Variants in DYM observed in about 807,000 individuals in gnomAD.
The protein encoded by DYM is dyggve-Melchior-Clausen syndrome protein.
Under a neutral mutation model 93.1 loss-of-function variants are expected in DYM, and 78 were observed. The observed-to-expected ratio is 0.84, with a 90% CI of 0.70 to 1.01. The LOEUF is 1.01. DYM is among the 50% of genes least tolerant of loss of function. DYM has a pLI of 0.00. For missense variants in DYM, 789 were observed against 845.0 expected (o/e 0.93, Z 0.82); for synonymous variants, 321 against 319.7 (o/e 1.00, Z -0.04).
At chr18:49,101,757 T>C (rs530037045) in intron 16 of DYM, among the ~76,000 whole-genome samples, 6 of 152,316 alleles carry the variant, frequency 3.9e-5, no homozygotes, top group South Asian at 2.1e-4. Flanking sequence ...TCAATACATA[T>C]ATTGACAATC....
At chr18:49,340,857 CT>C (rs2064060593) in intron 6 of DYM, among the ~76,000 whole-genome samples, 1 of 152,172 alleles carries the variant, frequency 6.6e-6, no homozygotes, top group Non-Finnish European at 1.5e-5. Flanking sequence ...AGATCAGACA[CT>C]TAAAATGGGT....
chr18:49,183,151 C>T (rs1389890977), intron 14 of DYM, among the ~76,000 whole-genome samples: 2 of 152,058 alleles, frequency 1.3e-5, no homozygotes, highest in Admixed American at 6.5e-5. Flanking sequence ...TACAACACTA[C>T]GTATTTGAGG....
chr18:49,419,623 C>T (rs2073405410), intron 2 of DYM, among the ~76,000 whole-genome samples: 1 of 152,100 alleles, frequency 6.6e-6, no homozygotes, highest in African/African-American at 2.4e-5. Context: ...TATACTTTTT[C>T]ATACACATTT....
chr18:49,117,332 C>A (rs148811005), intron 16 of DYM, among the ~76,000 whole-genome samples: 140 of 152,206 alleles, frequency 9.2e-4, no homozygotes, highest in African/African-American at 3.2e-3. Context: ...TTTCTGTTTA[C>A]CAGCAATCAT....
chr18:49,259,876 T>C (rs2094462754), intron 11 of DYM, among the ~76,000 whole-genome samples: 1 of 152,200 alleles, frequency 6.6e-6, no homozygotes, highest in Admixed American at 6.5e-5. Context: ...AGTTTCATAG[T>C]GTTCATAATA....
Position 49,258,395 on chromosome 18 carries a change from G to C in DYM, c.1350C>G (p.Asn450Lys). ...GAATACTTACTCGTGTCCTAGTCAT[G>C]TTGTATTGAATGGTTCTTATTACCA... ...ILVVIRTIQYNMTRTRDKYLH... is the reference protein window; with the variant it reads ...ILVVIRTIQYKMTRTRDKYLH... The change falls in exon 12 of 18, where the codon AAC becomes AAG. Residue 450 changes from asparagine to lysine, a missense_variant. Physicochemically the swap from Asn to Lys is moderately conservative, Grantham distance 94. Around this residue, in one of 3 missense-constraint regions of DYM, gnomAD observed 225 missense variants for 303.0 expected, o/e 0.74. Transcript: ENST00000675505. 6.2e-7 allele frequency: 1 copy of C among 1,606,916 alleles called. No individual in the cohort carries two copies. Among genetic ancestry groups the C allele is most frequent in the Non-Finnish European group, 8.5e-7 (1 of 1,173,460 alleles).
At chr18:49,189,684 T>C (rs7245245) in intron 14 of DYM, among the ~76,000 whole-genome samples, 6,019 of 152,276 alleles carry the variant, frequency 0.04, 392 homozygotes, top group African/African-American at 0.14. Flanking sequence ...ATCATCTTTC[T>C]GTAGAACCAC....
chr18:49,374,196 T>C (rs1467402597), intron 5 of DYM, among the ~76,000 whole-genome samples: 1 of 152,178 alleles, frequency 6.6e-6, no homozygotes, highest in Non-Finnish European at 1.5e-5. Context: ...TATTCTCTCC[T>C]AGAAAAAAAT....
chr18:49,050,669 C>CATTGGAAA (rs2072313542), intron 17 of DYM, among the ~76,000 whole-genome samples: 1 of 152,052 alleles, frequency 6.6e-6, no homozygotes, highest in African/African-American at 2.4e-5. Context: ...GGAAATGACT[C>CATTGGAAA]TGACTAGAGC....
chr18:49,415,931 A>AC (rs998609120), intron 2 of DYM, among the ~76,000 whole-genome samples: 6 of 151,514 alleles, frequency 4.0e-5, no homozygotes, highest in African/African-American at 1.2e-4. Flanking sequence ...CTGACTCAAA[A>AC]AAAAAAAAAA....
At chr18:49,302,609 G>A (rs545256573) in intron 8 of DYM, among the ~76,000 whole-genome samples, 1 of 152,118 alleles carries the variant, frequency 6.6e-6, no homozygotes, top group African/African-American at 2.4e-5. Flanking sequence ...TGAAGGCGGA[G>A]GTGGGGGGAC....
intron 1 of DYM, among the ~76,000 whole-genome samples, chr18:49,453,590 G>A (rs192814398): frequency 7.8e-4 from 119 of 152,284 alleles, no homozygotes; most frequent in Non-Finnish European, 1.1e-3. Flanking sequence ...GTGAGGGTCC[G>A]TGGCTTCATT....
intron 15 of DYM, among the ~76,000 whole-genome samples, chr18:49,153,521 G>A (rs2086052571): frequency 1.3e-5 from 2 of 152,082 alleles, no homozygotes; most frequent in Admixed American, 1.3e-4. Flanking sequence ...GCATCTTGAT[G>A]GTCTCAAAAA....
chr18:49,091,133 T>C (rs2145412050), intron 17 of DYM, among the ~76,000 whole-genome samples: 1 of 152,294 alleles, frequency 6.6e-6, no homozygotes, highest in South Asian at 2.1e-4. Flanking sequence ...CATTGTTCGT[T>C]GGTATCCCTC....
chr18:49,422,303 T>C (rs2073810580), intron 2 of DYM, among the ~76,000 whole-genome samples: 1 of 152,158 alleles, frequency 6.6e-6, no homozygotes, highest in African/African-American at 2.4e-5. Flanking sequence ...TAACAGCGGA[T>C]CTCTCGGCAG....
At chr18:49,125,509 C>A (rs1440550455) in intron 15 of DYM, among the ~76,000 whole-genome samples, 2 of 152,122 alleles carry the variant, frequency 1.3e-5, no homozygotes, top group Admixed American at 1.3e-4. Context: ...ATGAAGTTTC[C>A]TTGAAGTCAG....
At chr18:49,060,358 C>A (rs961774541) in intron 17 of DYM, among the ~76,000 whole-genome samples, 1 of 152,116 alleles carries the variant, frequency 6.6e-6, no homozygotes, top group African/African-American at 2.4e-5. Flanking sequence ...TCCTTCCCAC[C>A]ACACTTCCAT....
intron 6 of DYM, among the ~76,000 whole-genome samples, chr18:49,352,379 T>A (rs2065186484): frequency 6.6e-6 from 1 of 152,178 alleles, no homozygotes; most frequent in Non-Finnish European, 1.5e-5. Context: ...GCTATCTCAA[T>A]AAAGCTTTAT....
intron 3 of DYM, among the ~76,000 whole-genome samples, chr18:49,383,892 C>T (rs930921349): frequency 2.0e-5 from 3 of 152,194 alleles, no homozygotes; most frequent in African/African-American, 7.2e-5. Flanking sequence ...AAATGAGTTA[C>T]GCTGAAACCT....
Sources: gnomAD v4.1 joint callset for allele counts (sites outside exome capture counted in the v4.1 genomes callset) on GRCh38, gnomAD v4.1.1 for gene constraint, gnomAD v4.1.1 regional missense constraint, MANE v1.5 for transcripts, NCBI Gene and HGNC (gene_info 2026-07-23, HGNC 2026-07-21) for gene names.